The following SLC45A1 variants were observed in gnomAD, a reference collection of about 807,000 sequenced individuals.
SLC45A1 encodes solute carrier family 45 member 1, also known as proton-associated sugar transporter A.
Under a neutral mutation model 57.6 loss-of-function variants are expected in SLC45A1, and 28 were observed. The ratio of observed to expected loss-of-function variants is 0.49; its 90% CI spans 0.36 to 0.67. The LOEUF (loss-of-function observed/expected upper bound fraction) is 0.67. Among genes scored for constraint, SLC45A1 ranks in the 30% least tolerant of loss-of-function variants. The pLI is 0.00. For missense variants in SLC45A1, 814 were observed against 1,041.5 expected, an observed-to-expected ratio of 0.78 and a Z score of 3.01; for synonymous variants, 459 against 471.5, an observed-to-expected ratio of 0.97 and a Z score of 0.34.
In SLC45A1 at chr1:8,330,315, G is replaced by A. The variant is rs144351866; in HGVS notation, c.822G>A (p.Ala274=). 4.3e-6 allele frequency: 7 copies of A among 1,613,588 alleles called. No individual in the cohort carries two copies. Among genetic ancestry groups the A allele is most frequent in the Non-Finnish European group, 4.2e-6 (5 of 1,179,984 alleles). The change falls in exon 5 of 9, where the codon GCG becomes GCA. Residue 274 remains alanine, a synonymous_variant. Transcript: ENST00000471889. The surrounding 1 kb of genome is among the most constrained non-coding windows in gnomAD (Gnocchi z 8.4). ...TCCGAGTCATTTACCTCTTCACTGC[G>A]GTCACCCTGAGCGTCACCACCGTCC... ...GQLRVIYLFT[A]VTLSVTTVLT... is the part of the protein sequence containing the mutation.
chr1:8,343,672 G>A lies in SLC45A1; in HGVS notation c.1981-75G>A, dbSNP rs1640900255. On this transcript the variant is annotated intron_variant, in intron 8 of 8. Coordinates refer to ENST00000471889, the MANE Select transcript of SLC45A1 (RefSeq NM_001080397.3). This position sits in a 1 kb window ranked among gnomAD's most constrained non-coding sequence, Gnocchi z 7.7. ...TGGGCCGCTCGGGCCTCCTGGGCTC[G>A]CAGGACACACCGAGCTCGGTCACCC... The A allele has an allele frequency of 1.8e-5, 28 of 1,530,958 alleles. No homozygotes were observed. Among genetic ancestry groups the A allele is most frequent in the East Asian group, 1.8e-4 (8 of 43,960 alleles). The allele number at this position is 1,530,958 out of a possible 1,614,324, so 94.8% of individuals were successfully genotyped here.
Position 8,330,905 on chromosome 1 carries a change from G to C in SLC45A1, c.1412G>C (p.Ser471Thr), listed in dbSNP as rs1440232961. 2 of 1,600,018 alleles carry C rather than the reference G, an allele frequency of 1.2e-6. No homozygotes were observed. The highest frequency in any genetic ancestry group is 3.4e-5 in the Admixed American group (2 of 59,456). ...GCCGGAGGAGGGGGTCCCGAAACCA[G>C]CAGGAGAAGGAATGTGACCTTCAGT... ...DAAGGGGPET[S>T]RRRNVTFSQQ... Residue 471 changes from serine (S) to threonine (T), a missense_variant, in exon 5 of 9, where the codon AGC (serine) becomes ACC (threonine). Transcript: ENST00000471889. This position sits in a 1 kb window ranked among gnomAD's most constrained non-coding sequence, Gnocchi z 8.4.
At chr1:8,340,513 T>C (rs937030391) in intron 8 of SLC45A1, among the ~76,000 whole-genome samples, 4 of 152,230 alleles carry the variant, frequency 2.6e-5, no homozygotes, top group Non-Finnish European at 4.4e-5. Flanking sequence ...GGGGTTCTGA[T>C]AGCCAGCTCA....
chr1:8,323,643 C>G (rs1282839013), intron 1 of SLC45A1, among the ~76,000 whole-genome samples: 2 of 152,072 alleles, frequency 1.3e-5, no homozygotes, highest in African/African-American at 2.4e-5. Flanking sequence ...CGAACACTGT[C>G]AAAGCCTCAG....
At chr1:8,338,845 C>T (rs1640710818) in intron 7 of SLC45A1, among the ~76,000 whole-genome samples, 1 of 152,098 alleles carries the variant, frequency 6.6e-6, no homozygotes, top group African/African-American at 2.4e-5. Flanking sequence ...AATCTGCCAA[C>T]TGCTTTATTT....
rs1393538414 is a variant in SLC45A1, at chr1:8,343,060, T to A, written c.1981-687T>A. Among the ~76,000 whole-genome samples the A allele has an allele frequency of 6.6e-6, 1 of 152,228 alleles. No individual in the cohort carries two copies. The highest frequency in any genetic ancestry group is 1.5e-5 in the Non-Finnish European group (1 of 68,034). ...TGGAGTCTGACAAGTTCAGCTGGGC[T>A]GGCCCTGAGCACAGCCCTTCTGATG... On this transcript the variant is annotated intron_variant, in intron 8 of 8. Transcript: ENST00000471889. This position sits in a 1 kb window ranked among gnomAD's most constrained non-coding sequence, Gnocchi z 7.7.
chr1:8,320,408 C>T (rs558711905), intron 1 of SLC45A1, among the ~76,000 whole-genome samples: 107 of 152,232 alleles, frequency 7.0e-4, no homozygotes, highest in African/African-American at 2.5e-3. Context: ...TTTGGGAAGC[C>T]AAGGCAGGTG....
Position 8,326,068 on chromosome 1 carries a change from C to A in SLC45A1, c.715+26C>A. On this transcript the variant is annotated intron_variant, in intron 4 of 8. Coordinates refer to ENST00000471889, the MANE Select transcript of SLC45A1 (RefSeq NM_001080397.3). This position sits in a 1 kb window ranked among gnomAD's most constrained non-coding sequence, Gnocchi z 5.5. ...GTGAGTCTCCGCAGCAGGGCCGAAG[C>A]TGAATCTGCCGGGCTGCAGGCTTCA... The A allele has an allele frequency of 6.3e-7, 1 of 1,576,860 alleles. No individual in the cohort carries two copies. Among genetic ancestry groups the A allele is most frequent in the Non-Finnish European group, 8.6e-7 (1 of 1,160,624 alleles).
chr1:8,330,238 G>T lies in SLC45A1; in HGVS notation c.745G>T (p.Gly249Cys). ...GLGGGFGYVV[G>C]GIHWDKTGFG... Reference sequence around the variant, plus strand: ...CGGAGGAGGCTTTGGATACGTGGTCGGCGGAATCCACTGGGATAAAACGGG... The same window carrying T: ...CGGAGGAGGCTTTGGATACGTGGTCTGCGGAATCCACTGGGATAAAACGGG... Residue 249 changes from glycine (G) to cysteine (C), a missense_variant, in exon 5 of 9, where the codon GGC becomes TGC. Coordinates refer to ENST00000471889, the MANE Select transcript of SLC45A1 (RefSeq NM_001080397.3). The surrounding 1 kb of genome is among the most constrained non-coding windows in gnomAD (Gnocchi z 8.4). 6.2e-7 allele frequency: 1 copy of T among 1,613,862 alleles called. No individual in the cohort carries two copies. The highest frequency in any genetic ancestry group is 8.5e-7 in the Non-Finnish European group (1 of 1,179,954).
At chr1:8,332,335 G>C (rs11586622) in intron 5 of SLC45A1, among the ~76,000 whole-genome samples, 1 of 151,938 alleles carries the variant, frequency 6.6e-6, no homozygotes, top group Non-Finnish European at 1.5e-5. Context: ...GGTGCCTGAC[G>C]TCGGTTAACT....
intron 8 of SLC45A1, among the ~76,000 whole-genome samples, chr1:8,342,530 G>A (rs568749494): frequency 3.9e-5 from 6 of 152,224 alleles, no homozygotes; most frequent in African/African-American, 9.6e-5. Flanking sequence ...GGCAGTCTGC[G>A]GCCTCTCGTG....
Position 8,330,564 on chromosome 1 carries a change from C to T in SLC45A1, c.1071C>T (p.Ser357=). Residue 357 remains serine (S), a synonymous_variant, in exon 5 of 9, where the codon TCC becomes TCT. Coordinates refer to ENST00000471889, the MANE Select transcript of SLC45A1 (RefSeq NM_001080397.3). The surrounding 1 kb of genome is among the most constrained non-coding windows in gnomAD (Gnocchi z 8.4). ...GCAGCTTCATCAGCAGGGACAGCTC[C>T]CTGACGGGCATCAGCGAGTTCGCCT... is the stretch of plus-strand genomic sequence containing the variant. ...KYGSFISRDS[S]LTGISEFASS... 6.2e-7 allele frequency: 1 copy of T among 1,613,430 alleles called. No individual in the cohort carries two copies. The highest frequency in any genetic ancestry group is 8.5e-7 in the Non-Finnish European group (1 of 1,179,978).
In SLC45A1 at chr1:8,335,654, C is replaced by T. The variant is rs564412593; in HGVS notation, c.1597+64C>T. ...TGCTCAGGGCTCTCGCCCCACTGGC[C>T]TCCCAGGATGCCCCTGAGCCTCCCT... On this transcript the variant is annotated intron_variant, in intron 6 of 8. Transcript: ENST00000471889. The surrounding 1 kb of genome is among the most constrained non-coding windows in gnomAD (Gnocchi z 4.1). 57 of 1,486,324 alleles carry T rather than the reference C, an allele frequency of 3.8e-5. No individual in the cohort carries two copies. In the African/African-American group the frequency reaches 7.2e-4, roughly 19 times the overall value. The allele number at this position is 1,486,324 out of a possible 1,614,324, so 92.1% of individuals were successfully genotyped here. A position where few individuals can be genotyped will look rare whatever the true frequency, so the allele number is the denominator to read the frequency against.
chr1:8,327,246 G>A lies in SLC45A1; in HGVS notation c.715+1204G>A, dbSNP rs1462969555. Among the ~76,000 whole-genome samples the A allele has an allele frequency of 2.6e-5, 4 of 151,884 alleles. No individual in the cohort carries two copies. Among genetic ancestry groups the A allele is most frequent in the Admixed American group, 6.6e-5 (1 of 15,266 alleles). ...AGTGTGTGTGCATGGACACACACAC[G>A]ACTATATCCATACCATGCATATATG... On this transcript the variant is annotated intron_variant, in intron 4 of 8. Coordinates refer to ENST00000471889, the MANE Select transcript of SLC45A1 (RefSeq NM_001080397.3). This position sits in a 1 kb window ranked among gnomAD's most constrained non-coding sequence, Gnocchi z 4.3.
intron 1 of SLC45A1, among the ~76,000 whole-genome samples, chr1:8,320,665 C>G (rs1380131380): frequency 7.1e-6 from 1 of 141,672 alleles, no homozygotes; most frequent in African/African-American, 2.6e-5. Flanking sequence ...CTGTCTCTCT[C>G]TCTCTCTCTC....
chr1:8,343,973 C>A lies in SLC45A1; in HGVS notation c.2207C>A (p.Ala736Asp). The change falls in exon 9 of 9, where the codon GCT becomes GAT. Residue 736 changes from alanine to aspartate, a missense_variant. Ala to Asp is a moderately radical substitution (Grantham distance 126). Coordinates refer to ENST00000471889, the MANE Select transcript of SLC45A1 (RefSeq NM_001080397.3). This position sits in a 1 kb window ranked among gnomAD's most constrained non-coding sequence, Gnocchi z 7.7. ...FVIYEIPPSD[A>D]ADEEHRPLLL... ...ATTTATGAAATTCCTCCCAGCGACG[C>A]TGCAGACGAGGAGCACCGGCCCCTC... 1 of 1,613,652 alleles carries A rather than the reference C, an allele frequency of 6.2e-7. No individual in the cohort carries two copies. Among genetic ancestry groups the A allele is most frequent in the Non-Finnish European group, 8.5e-7 (1 of 1,179,810 alleles).
intron 7 of SLC45A1, among the ~76,000 whole-genome samples, chr1:8,338,380 G>A (rs948208601): frequency 6.6e-6 from 1 of 152,360 alleles, no homozygotes; most frequent in East Asian, 1.9e-4. Context: ...GGGAGGTGGG[G>A]GCAGGGGTGT....
chr1:8,320,889 G>A (rs1639992168), intron 1 of SLC45A1, among the ~76,000 whole-genome samples: 1 of 152,170 alleles, frequency 6.6e-6, no homozygotes, highest in African/African-American at 2.4e-5. Context: ...CCTGCAGGTG[G>A]GGAGAGGCTG....
rs536368583 is a variant in SLC45A1 at position 8,330,522 on chromosome 1, C to G, written c.1029C>G (p.Pro343=). ...NFSSPISPPS[P]LTPKYGSFIS... ...CCAGCCCCATCTCGCCGCCCAGCCC[C>G]CTCACGCCCAAGTACGGCAGCTTCA... The change falls in exon 5 of 9, where the codon CCC becomes CCG. Residue 343 remains proline (P), a synonymous_variant. Transcript: ENST00000471889. The surrounding 1 kb of genome is among the most constrained non-coding windows in gnomAD (Gnocchi z 8.4). 6.2e-7 allele frequency: 1 copy of G among 1,613,248 alleles called. No individual in the cohort carries two copies. The highest frequency in any genetic ancestry group is 1.1e-5 in the South Asian group (1 of 91,090).
Sources: gnomAD v4.1 joint callset for allele counts (sites outside exome capture counted in the v4.1 genomes callset) on GRCh38, gnomAD v4.1.1 for gene constraint, Gnocchi (gnomAD v3.1) non-coding constraint, MANE v1.5 for transcripts, NCBI Gene and HGNC (gene_info 2026-07-23, HGNC 2026-07-21) for gene names.